CAPS2: variants seen among roughly 807,000 people sequenced by gnomAD.
The protein encoded by CAPS2 is calcyphosin-2.
A neutral mutation model predicts 86.5 loss-of-function variants in CAPS2; 98 were observed. That is an observed-to-expected ratio of 1.13 (90% CI 0.96 to 1.34). The LOEUF (loss-of-function observed/expected upper bound fraction) is 1.34, where lower values mean the gene tolerates loss of function less well. Ranked by LOEUF, CAPS2 falls within the 40% of genes most tolerant of loss-of-function variation. CAPS2 has a pLI of 0.00. For missense variants in CAPS2, 729 were observed against 686.8 expected, an observed-to-expected ratio of 1.06 and a Z score of -0.69; for synonymous variants, 210 against 225.1, an observed-to-expected ratio of 0.93 and a Z score of 0.60.
At chr12:75,285,366 T>C (rs1457385877) in intron 14 of CAPS2, among the ~76,000 whole-genome samples, 1 of 152,020 alleles carries the variant, frequency 6.6e-6, no homozygotes, top group Non-Finnish European at 1.5e-5. Context: ...TTGTATATAG[T>C]TATAGGGCAC....
chr12:75,323,510 G>A (rs968310102), intron 2 of CAPS2, among the ~76,000 whole-genome samples: 2 of 152,114 alleles, frequency 1.3e-5, no homozygotes, highest in Non-Finnish European at 2.9e-5. Flanking sequence ...TTGGGAGGCC[G>A]AGGCAGGCAG....
chr12:75,326,667 T>C, upstream of CAPS2: 1 of 558,072 alleles, frequency 1.8e-6, no homozygotes, highest in East Asian at 2.8e-5. Flanking sequence ...ATCAACTTTT[T>C]ATAGGGCAAT....
intron 1 of CAPS2, among the ~76,000 whole-genome samples, chr12:75,351,767 G>A (rs1185487901): frequency 2.6e-5 from 4 of 152,036 alleles, no homozygotes; most frequent in African/African-American, 7.2e-5. Flanking sequence ...GCCTGGTCTC[G>A]AACTCCTGAC....
chr12:75,320,132 T>C (rs1236729666), intron 5 of CAPS2, among the ~76,000 whole-genome samples: 1 of 152,160 alleles, frequency 6.6e-6, no homozygotes, highest in East Asian at 1.9e-4. Flanking sequence ...TATGTGTATA[T>C]TGGCTTCTAT....
intron 15 of CAPS2, among the ~76,000 whole-genome samples, chr12:75,283,009 C>T (rs186202605): frequency 1.4e-4 from 21 of 152,158 alleles, no homozygotes; most frequent in African/African-American, 3.4e-4. Context: ...TCATATGAAA[C>T]GCATAAATGG....
chr12:75,301,354 G>A (rs767416209), intron 8 of CAPS2, among the ~76,000 whole-genome samples: 1 of 152,160 alleles, frequency 6.6e-6, no homozygotes, highest in Non-Finnish European at 1.5e-5. Flanking sequence ...AACCAAATGA[G>A]AGTTTGTAAG....
chr12:75,316,609 G>T (rs1384072609), intron 5 of CAPS2, among the ~76,000 whole-genome samples, 175 bp from the exon 6 acceptor site: 1 of 152,036 alleles, frequency 6.6e-6, no homozygotes, highest in African/African-American at 2.4e-5. Flanking sequence ...CCACTTGCCC[G>T]CTAGGTGACC....
chr12:75,372,481 A>C (rs1211401674), intron 1 of CAPS2, among the ~76,000 whole-genome samples: 1 of 152,168 alleles, frequency 6.6e-6, no homozygotes, highest in Non-Finnish European at 1.5e-5. Context: ...TCCCTCTGGA[A>C]CTAAGATCTG....
chr12:75,329,745 C>A, upstream of CAPS2: 2 of 1,152,012 alleles, frequency 1.7e-6, no homozygotes, highest in South Asian at 1.8e-5. Flanking sequence ...AAACTTAGGT[C>A]ATTCCTAATT....
chr12:75,332,891 CAG>C (rs1206195155), upstream of CAPS2, among the ~76,000 whole-genome samples: 1 of 152,114 alleles, frequency 6.6e-6, no homozygotes, highest in Non-Finnish European at 1.5e-5. Context: ...CACTGACAGA[CAG>C]GGGATATAGA....
At chr12:75,293,163 T>C in intron 12 of CAPS2, 86 bp downstream of exon 12, 2 of 820,022 alleles carry the variant, frequency 2.4e-6, no homozygotes, top group Non-Finnish European at 4.0e-6. Flanking sequence ...AAGTTATAAA[T>C]ACCTTATAGT....
At chr12:75,381,086 C>T (rs2044941136) in intron 1 of CAPS2, among the ~76,000 whole-genome samples, 1 of 152,128 alleles carries the variant, frequency 6.6e-6, no homozygotes, top group Non-Finnish European at 1.5e-5. Flanking sequence ...AATTGTATCT[C>T]CCAGAATTCC....
intron 1 of CAPS2, among the ~76,000 whole-genome samples, chr12:75,379,870 A>C (rs1202403748): frequency 6.6e-6 from 1 of 151,572 alleles, no homozygotes; most frequent in Non-Finnish European, 1.5e-5. Flanking sequence ...AAAAAAAAAA[A>C]AAAAAAATTG....
intron 1 of CAPS2, among the ~76,000 whole-genome samples, chr12:75,335,388 G>A (rs942165056): frequency 6.6e-6 from 1 of 151,970 alleles, no homozygotes; most frequent in African/African-American, 2.4e-5. Context: ...CTCTATTGAA[G>A]AATAAGCATA....
intron 1 of CAPS2, among the ~76,000 whole-genome samples, chr12:75,367,625 TA>T (rs1196987610): frequency 1.3e-5 from 2 of 152,140 alleles, no homozygotes; most frequent in South Asian, 2.1e-4. Context: ...TTTATTGCCT[TA>T]AAAAATTTAA....
chr12:75,364,052 G>A (rs941059031), intron 1 of CAPS2, among the ~76,000 whole-genome samples: 1 of 152,230 alleles, frequency 6.6e-6, no homozygotes, highest in East Asian at 1.9e-4. Flanking sequence ...GGAGACCAAG[G>A]GTTTATTAAG....
chr12:75,373,229 G>A (rs1447613206), intron 1 of CAPS2, among the ~76,000 whole-genome samples: 1 of 152,200 alleles, frequency 6.6e-6, no homozygotes, highest in Non-Finnish European at 1.5e-5. Context: ...CTTTGTTCAT[G>A]AGCCCATTGG....
intron 1 of CAPS2, among the ~76,000 whole-genome samples, chr12:75,359,355 G>GTTTTTTTT (rs1463566931): frequency 1.7e-4 from 8 of 46,430 alleles, no homozygotes; most frequent in Non-Finnish European, 3.4e-4. Context: ...CAGCATTGTT[G>GTTTTTTTT]TCTTTTTTTT....
intron 1 of CAPS2, among the ~76,000 whole-genome samples, chr12:75,339,598 C>A (rs966843013): frequency 6.6e-6 from 1 of 152,030 alleles, no homozygotes; most frequent in Non-Finnish European, 1.5e-5. Flanking sequence ...TAATTAGATA[C>A]CATTTGTCCA....
Sources: allele counts gnomAD v4.1 joint callset (sites outside exome capture counted in the v4.1 genomes callset), GRCh38; gene constraint gnomAD v4.1.1; transcripts MANE v1.5; gene names NCBI Gene and HGNC (gene_info 2026-07-23, HGNC 2026-07-21).